Variants in EFCAB5 observed in about 807,000 individuals in gnomAD.
EFCAB5 encodes the protein EF-hand calcium binding domain 5.
Under a neutral mutation model 167.9 loss-of-function variants are expected in EFCAB5, and 131 were observed. The observed-to-expected ratio is 0.78, with a 90% CI of 0.68 to 0.90. EFCAB5 has a LOEUF of 0.90. Among genes scored for constraint, EFCAB5 ranks in the 40% least tolerant of loss-of-function variants. EFCAB5 has a pLI of 0.00. For missense variants in EFCAB5, 1,663 were observed against 1,745.2 expected, an observed-to-expected ratio of 0.95 and a Z score of 0.84; for synonymous variants, 574 against 602.8, an observed-to-expected ratio of 0.95 and a Z score of 0.70.
intron 7 of EFCAB5, among the ~76,000 whole-genome samples, chr17:30,013,770 T>C (rs1196738993): frequency 6.6e-6 from 1 of 152,242 alleles, no homozygotes; most frequent in African/African-American, 2.4e-5. Context: ...GATTCGTTGA[T>C]TTCTTTGAAG....
chr17:30,044,370 G>A (rs1050417139), intron 8 of EFCAB5, among the ~76,000 whole-genome samples: 1 of 152,168 alleles, frequency 6.6e-6, no homozygotes, highest in African/African-American at 2.4e-5. Flanking sequence ...TTCAGGCTGG[G>A]AGTTCAAGAC....
chr17:30,065,392 G>A (rs546326454), intron 14 of EFCAB5, among the ~76,000 whole-genome samples: 178 of 152,166 alleles, frequency 1.2e-3, no homozygotes, highest in Non-Finnish European at 2.0e-3. Flanking sequence ...GGCCAGGCGC[G>A]GTGGCTCATG....
At chr17:30,001,863 T>TCA (rs2068669604) in intron 7 of EFCAB5, among the ~76,000 whole-genome samples, 1 of 152,180 alleles carries the variant, frequency 6.6e-6, no homozygotes, top group South Asian at 2.1e-4. Flanking sequence ...TGTGTAATCG[T>TCA]CACACAACTC....
intron 4 of EFCAB5, among the ~76,000 whole-genome samples, chr17:29,991,672 G>A (rs541079216): frequency 3.3e-5 from 5 of 152,278 alleles, no homozygotes; most frequent in East Asian, 1.9e-4. Context: ...TGGCCATCAC[G>A]AACATGTCAC....
chr17:30,026,554 T>C (rs2069328886), intron 7 of EFCAB5, among the ~76,000 whole-genome samples: 1 of 152,222 alleles, frequency 6.6e-6, no homozygotes, highest in Non-Finnish European at 1.5e-5. Flanking sequence ...AATGTAGTTA[T>C]TAAAAATTTA....
At chr17:29,968,306 T>A in intron 3 of EFCAB5, 1 of 453,886 alleles carries the variant, frequency 2.2e-6, no homozygotes, top group South Asian at 1.6e-5. Context: ...TTCATAGTAA[T>A]CCCATTTCCC....
rs2071229551 is a variant in EFCAB5 at position 30,092,934 on chromosome 17, G to C, written c.4319G>C (p.Arg1440Thr). ...GTACAGCTTATTGATGAATATATCA[G>C]AGGTAAATTTCCACTTAATTACAGC... ...VNVQLIDEYI[R>T]DHSRTEVWKF... is the part of the protein sequence containing the mutation. The change falls in exon 22 of 23, where the codon AGA becomes ACA. Residue 1440 changes from arginine to threonine, a missense_variant and splice_region_variant. Physicochemically the swap from Arg to Thr is moderately conservative, Grantham distance 71. Transcript: ENST00000394835. 6.3e-7 allele frequency: 1 copy of C among 1,597,726 alleles called. No homozygotes were observed. The highest frequency in any genetic ancestry group is 8.5e-7 in the Non-Finnish European group (1 of 1,172,312).
chr17:30,077,525 A>G (rs889909309), intron 14 of EFCAB5, among the ~76,000 whole-genome samples: 8 of 152,126 alleles, frequency 5.3e-5, no homozygotes, highest in Non-Finnish European at 8.8e-5. Flanking sequence ...AGGGCAGATC[A>G]TAGAAGAATA....
intron 7 of EFCAB5, among the ~76,000 whole-genome samples, chr17:30,012,689 C>T (rs1240762591): frequency 6.6e-6 from 1 of 152,190 alleles, no homozygotes; most frequent in Admixed American, 6.5e-5. Flanking sequence ...GTTGTCTTTT[C>T]TTTTATCTCT....
chr17:30,100,798 T>C (rs2071372445), intron 22 of EFCAB5, among the ~76,000 whole-genome samples: 1 of 150,328 alleles, frequency 6.7e-6, no homozygotes, highest in African/African-American at 2.4e-5. Flanking sequence ...AGCAAAGATG[T>C]GAAGGAAGTG....
intron 8 of EFCAB5, among the ~76,000 whole-genome samples, chr17:30,044,027 A>G (rs1331475556): frequency 6.6e-6 from 1 of 152,190 alleles, no homozygotes; most frequent in African/African-American, 2.4e-5. Flanking sequence ...AATATTTATG[A>G]TATATTTAAT....
chr17:30,068,312 A>G (rs912208832), intron 14 of EFCAB5, among the ~76,000 whole-genome samples: 6 of 152,160 alleles, frequency 3.9e-5, no homozygotes, highest in Admixed American at 3.9e-4. Flanking sequence ...AAAAAAAGAA[A>G]AAAAAAAAAT....
At chr17:30,024,650 C>G (rs2069268853) in intron 7 of EFCAB5, among the ~76,000 whole-genome samples, 2 of 151,790 alleles carry the variant, frequency 1.3e-5, no homozygotes, top group African/African-American at 4.8e-5. Flanking sequence ...ATCAAGCTAC[C>G]AATGACTTTC....
chr17:29,974,563 C>T (rs954953661), intron 4 of EFCAB5, among the ~76,000 whole-genome samples: 1 of 151,550 alleles, frequency 6.6e-6, no homozygotes, highest in Non-Finnish European at 1.5e-5. Flanking sequence ...AAGAATATGT[C>T]TCACTAGGTA....
At chr17:30,027,269 G>A (rs1422067461) in intron 7 of EFCAB5, among the ~76,000 whole-genome samples, 1 of 144,472 alleles carries the variant, frequency 6.9e-6, no homozygotes, top group African/African-American at 2.6e-5. Context: ...ACAGGCGTGA[G>A]CCACCATGCC....
At chr17:30,054,503 A>T (rs755844992) in intron 10 of EFCAB5, among the ~76,000 whole-genome samples, 1 of 152,164 alleles carries the variant, frequency 6.6e-6, no homozygotes, top group Non-Finnish European at 1.5e-5. Context: ...TTTTATTTCA[A>T]CTGTAAATGG....
chr17:30,003,873 C>T (rs920246655), intron 7 of EFCAB5, among the ~76,000 whole-genome samples: 2 of 152,060 alleles, frequency 1.3e-5, no homozygotes, highest in Non-Finnish European at 2.9e-5. Context: ...TCTGTTTTGT[C>T]TTGGACATTT....
intron 14 of EFCAB5, chr17:30,073,758 T>C (rs1277347083): frequency 7.5e-6 from 5 of 670,978 alleles, no homozygotes; most frequent in Non-Finnish European, 1.4e-5. Flanking sequence ...ATGCATCCCA[T>C]ACTCCTATCA....
chr17:29,983,980 G>A (rs1484622720), intron 4 of EFCAB5, among the ~76,000 whole-genome samples: 1 of 152,032 alleles, frequency 6.6e-6, no homozygotes, highest in African/African-American at 2.4e-5. Flanking sequence ...ATTCATTTTT[G>A]TGTCACATGA....
Sources: allele counts gnomAD v4.1 joint callset (sites outside exome capture counted in the v4.1 genomes callset), GRCh38; gene constraint gnomAD v4.1.1; transcripts MANE v1.5; gene names NCBI Gene and HGNC (gene_info 2026-07-23, HGNC 2026-07-21).